NEDD4: variants seen among roughly 807,000 people sequenced by gnomAD.
NEDD4 encodes E3 ubiquitin-protein ligase NEDD4.
Under a neutral mutation model 144.9 loss-of-function variants are expected in NEDD4, and 99 were observed. That is an observed-to-expected ratio of 0.68 (90% CI 0.58 to 0.81). The LOEUF is 0.81. NEDD4 is among the 30% of genes least tolerant of loss of function. The pLI is 0.00. For synonymous variants in NEDD4, 318 were observed against 350.6 expected, an observed-to-expected ratio of 0.91 and a Z score of 1.04; for missense variants, 985 against 1,065.9, an observed-to-expected ratio of 0.92 and a Z score of 1.06.
Position 55,874,021 on chromosome 15 carries a change from G to A in NEDD4, c.292-13C>T, listed in dbSNP as rs1302711801. On this transcript the variant is annotated splice_polypyrimidine_tract_variant and intron_variant, in intron 5 of 28. Transcript: ENST00000435532. Reference sequence around the variant, plus strand: ...AATCATCTCTTGTCTATAAGAGAAGGAAGAAAAAATATAATTAGTAATACG... The same window carrying A: ...AATCATCTCTTGTCTATAAGAGAAGAAAGAAAAAATATAATTAGTAATACG... 2 of 1,459,550 alleles carry A rather than the reference G, an allele frequency of 1.4e-6. No homozygotes were observed. The highest frequency in any genetic ancestry group is 1.3e-5 in the South Asian group (1 of 78,068). The allele number at this position is 1,459,550 out of a possible 1,614,324, so 90.4% of individuals were successfully genotyped here. A position where few individuals can be genotyped will look rare whatever the true frequency, so the allele number is the denominator to read the frequency against.
In NEDD4 at chr15:55,830,097, C is replaced by T. The variant is rs116356716; in HGVS notation, c.2601-98G>A. The T allele has an allele frequency of 9.0e-4, 718 of 802,154 alleles. 3 individuals are homozygous for T. In the African/African-American group the frequency reaches 0.011, roughly 13 times the overall value. The allele number at this position is 802,154 out of a possible 1,614,324, so 49.7% of individuals were successfully genotyped here. On this transcript the variant is annotated intron_variant, in intron 28 of 28. Transcript: ENST00000435532. ...GCTGCTATTCTTGATGAGAATGTTCCAACACCACCAAAATATGTCTTTTCA... is the reference window on the plus strand; with the variant it reads ...GCTGCTATTCTTGATGAGAATGTTCTAACACCACCAAAATATGTCTTTTCA...
chr15:55,891,866 T>G (rs1198728277), intron 5 of NEDD4, among the ~76,000 whole-genome samples: 6 of 152,210 alleles, frequency 3.9e-5, no homozygotes, highest in African/African-American at 1.4e-4. Context: ...CTAAATGTTA[T>G]GCTTTAAGAG....
At chr15:55,853,096 C>T (rs1276602347) in intron 12 of NEDD4, among the ~76,000 whole-genome samples, 1 of 152,134 alleles carries the variant, frequency 6.6e-6, no homozygotes, top group Non-Finnish European at 1.5e-5. Flanking sequence ...AAAAACACCA[C>T]ATCCCTTCTT....
intron 1 of NEDD4, among the ~76,000 whole-genome samples, chr15:55,985,287 G>C (rs1264029008): frequency 6.6e-6 from 1 of 152,216 alleles, no homozygotes; most frequent in Non-Finnish European, 1.5e-5. Context: ...TACAGAAAAT[G>C]TCTGTGGAGT....
intron 2 of NEDD4, among the ~76,000 whole-genome samples, chr15:55,955,419 CT>C (rs1444516125): frequency 6.6e-6 from 1 of 152,124 alleles, no homozygotes; most frequent in Non-Finnish European, 1.5e-5. Context: ...CTTATTCTTC[CT>C]GCTTGACTCA....
At position 55,951,532 on chromosome 15, in the gene NEDD4, C is replaced by A; in HGVS notation, c.177G>T (p.Val59=). Residue 59 remains valine, a synonymous_variant, in exon 3 of 29, where the codon GTG becomes GTT. Transcript: ENST00000435532. ...YDPMNGVLTS[V]QTKTIKKSLN... Reference sequence around the variant, plus strand: ...TAACCTTTTTAATGGTTTTTGTTTGCACACTTGTAAGAACTCCATTCATTG... The same window carrying A: ...TAACCTTTTTAATGGTTTTTGTTTGAACACTTGTAAGAACTCCATTCATTG... The A allele has an allele frequency of 6.5e-7, 1 of 1,529,732 alleles. No homozygotes were observed. The highest frequency in any genetic ancestry group is 8.8e-7 in the Non-Finnish European group (1 of 1,139,958). 94.8% of individuals were successfully genotyped at this position (1,529,732 alleles called of 1,614,324 possible).
chr15:55,981,650 C>T (rs1332934751), intron 1 of NEDD4, among the ~76,000 whole-genome samples: 1 of 152,098 alleles, frequency 6.6e-6, no homozygotes, highest in East Asian at 1.9e-4. Context: ...TATCCAGAAT[C>T]CTTGGATTTA....
intron 2 of NEDD4, among the ~76,000 whole-genome samples, chr15:55,952,312 C>T (rs1358190112): frequency 6.6e-6 from 1 of 151,586 alleles, no homozygotes; most frequent in Non-Finnish European, 1.5e-5. Flanking sequence ...CAAGCCTGGG[C>T]GACAGAGCAA....
At chr15:55,956,467 TG>T (rs1367461374) in intron 2 of NEDD4, among the ~76,000 whole-genome samples, 10 of 152,334 alleles carry the variant, frequency 6.6e-5, no homozygotes, top group Non-Finnish European at 1.3e-4. Flanking sequence ...GTATGATGTG[TG>T]GTAAGGACCA....
At chr15:55,875,067 A>G (rs551890085) in intron 5 of NEDD4, among the ~76,000 whole-genome samples, 1 of 152,212 alleles carries the variant, frequency 6.6e-6, no homozygotes, top group South Asian at 2.1e-4. Flanking sequence ...CCAGCCCACA[A>G]TAAAAAAATT....
chr15:55,897,963 T>G (rs1223113236), intron 5 of NEDD4, among the ~76,000 whole-genome samples: 1 of 152,216 alleles, frequency 6.6e-6, no homozygotes, highest in African/African-American at 2.4e-5. Context: ...TTTGACAGAT[T>G]AGAATATTTT....
In NEDD4 at chr15:55,840,723, T is replaced by G. The variant is rs759512639; in HGVS notation, c.1843A>C (p.Asn615His). 14 of 1,610,116 alleles carry G rather than the reference T, an allele frequency of 8.7e-6. No individual in the cohort carries two copies. The highest frequency in any genetic ancestry group is 2.5e-6 in the Non-Finnish European group (3 of 1,178,948). Reference protein sequence around the residue: ...YGLFEYSATDNYTLQINPNSG... With the variant: ...YGLFEYSATDHYTLQINPNSG... ...TTTGGATTTATCTGTAGGGTATAATTGTCCCTGTAAAGACAACCCCATTTA... is the reference window on the plus strand; with the variant it reads ...TTTGGATTTATCTGTAGGGTATAATGGTCCCTGTAAAGACAACCCCATTTA... The change falls in exon 20 of 29, where the codon AAT becomes CAT. Residue 615 changes from asparagine (N) to histidine (H), a missense_variant. By Grantham distance (68) the Asn-to-His change is moderately conservative. Transcript: ENST00000435532.
intron 4 of NEDD4, among the ~76,000 whole-genome samples, chr15:55,944,654 T>G (rs112140888): frequency 6.6e-6 from 1 of 152,256 alleles, no homozygotes; most frequent in East Asian, 1.9e-4. Context: ...AGCATGGGAT[T>G]TGAGCTCTGA....
intron 8 of NEDD4, among the ~76,000 whole-genome samples, chr15:55,868,059 A>C (rs1280922137): frequency 3.3e-5 from 5 of 149,526 alleles, no homozygotes; most frequent in African/African-American, 7.3e-5. Context: ...CTGACTCCAA[A>C]AAAAAAAAAA....
chr15:55,940,966 T>G (rs1363194646), intron 4 of NEDD4, among the ~76,000 whole-genome samples: 2 of 152,224 alleles, frequency 1.3e-5, no homozygotes, highest in Non-Finnish European at 2.9e-5. Context: ...TTTCTACTTA[T>G]ATTGGTTTTA....
At chr15:55,876,620 T>C (rs770803502) in intron 5 of NEDD4, among the ~76,000 whole-genome samples, 1 of 151,998 alleles carries the variant, frequency 6.6e-6, no homozygotes, top group Non-Finnish European at 1.5e-5. Flanking sequence ...ATTGGAAATA[T>C]CTGACTAACC....
chr15:55,894,237 G>A (rs2035666889), intron 5 of NEDD4, among the ~76,000 whole-genome samples: 1 of 151,770 alleles, frequency 6.6e-6, no homozygotes, highest in Non-Finnish European at 1.5e-5. Context: ...TATTTGAAAA[G>A]AAAAAATAAC....
At chr15:55,853,971 C>A (rs974239792) in intron 12 of NEDD4, among the ~76,000 whole-genome samples, 3 of 152,048 alleles carry the variant, frequency 2.0e-5, no homozygotes, top group African/African-American at 7.2e-5. Flanking sequence ...GCCTGGGCAA[C>A]TGAGCAAAAC....
intron 5 of NEDD4, among the ~76,000 whole-genome samples, chr15:55,894,540 C>T (rs2035678227): frequency 6.6e-6 from 1 of 152,140 alleles, no homozygotes; most frequent in African/African-American, 2.4e-5. Flanking sequence ...GAAACCCTCA[C>T]ATCTTTAAAG....
Sources: gnomAD v4.1 joint callset for allele counts (sites outside exome capture counted in the v4.1 genomes callset) on GRCh38, gnomAD v4.1.1 for gene constraint, MANE v1.5 for transcripts, NCBI Gene and HGNC (gene_info 2026-07-23, HGNC 2026-07-21) for gene names.